Variants in IQSEC1 observed in about 807,000 individuals in gnomAD.
IQSEC1 encodes IQ motif and SEC7 domain-containing protein 1.
Under a neutral mutation model 91.0 loss-of-function variants are expected in IQSEC1, and 31 were observed. The observed-to-expected ratio is 0.34, with a 90% CI of 0.26 to 0.46. The LOEUF (loss-of-function observed/expected upper bound fraction) is 0.46, where lower values mean the gene tolerates loss of function less well. IQSEC1 is among the 20% of genes least tolerant of loss of function. The probability of loss-of-function intolerance (pLI) is 1.00; values close to 1 mark genes in which losing one functional copy is unlikely to be tolerated. For synonymous variants in IQSEC1, 699 were observed against 662.6 expected (o/e 1.05, Z -0.84); for missense variants, 1,388 against 1,575.6 (o/e 0.88, Z 2.02).
At chr3:13,220,763 G>A (rs551881070) in intron 1 of IQSEC1, among the ~76,000 whole-genome samples, 4 of 152,182 alleles carry the variant, frequency 2.6e-5, no homozygotes, top group Non-Finnish European at 2.9e-5. Context: ...GGGCGATGCC[G>A]CCTGGACACT....
intron 1 of IQSEC1, among the ~76,000 whole-genome samples, chr3:13,258,785 A>C (rs1161849823): frequency 6.6e-6 from 1 of 152,214 alleles, no homozygotes; most frequent in Non-Finnish European, 1.5e-5. Flanking sequence ...GCTGGGAAAA[A>C]GCAGCCTCTC....
At chr3:13,063,631 A>G (rs1211458959) in intron 1 of IQSEC1, among the ~76,000 whole-genome samples, 1 of 152,226 alleles carries the variant, frequency 6.6e-6, no homozygotes, top group Non-Finnish European at 1.5e-5. Context: ...CCTCTGCTCC[A>G]TCAGCCAGCT....
In IQSEC1 at chr3:12,903,186, C is replaced by T. The variant is rs1049603580; in HGVS notation, c.2756-364G>A. Among the ~76,000 whole-genome samples the T allele has an allele frequency of 1.2e-4, 19 of 152,324 alleles. 1 individual carries two copies. The highest frequency in any genetic ancestry group is 7.2e-4 in the Admixed American group (11 of 15,308). ...CCAACTTGTGTGTTCACCCCTGACTCGGGTGAATGGGGAGGGGTGAGGGCA... is the reference window on the plus strand; with the variant it reads ...CCAACTTGTGTGTTCACCCCTGACTTGGGTGAATGGGGAGGGGTGAGGGCA... On this transcript the variant is annotated intron_variant, in intron 12 of 13. Transcript: ENST00000613206.
intron 1 of IQSEC1, among the ~76,000 whole-genome samples, chr3:13,181,489 C>T (rs1693844154): frequency 2.0e-5 from 3 of 152,184 alleles, no homozygotes; most frequent in Admixed American, 1.3e-4. Flanking sequence ...CCAGAATATA[C>T]ACCCACCCAC....
At chr3:13,059,404 T>C (rs2125083944) in intron 1 of IQSEC1, among the ~76,000 whole-genome samples, 1 of 152,202 alleles carries the variant, frequency 6.6e-6, no homozygotes, top group Middle Eastern at 3.4e-3. Flanking sequence ...TCAGACCACC[T>C]CCGGCTTTTC....
At chr3:12,907,170 T>G (rs930937319) in intron 12 of IQSEC1, among the ~76,000 whole-genome samples, 1 of 152,200 alleles carries the variant, frequency 6.6e-6, no homozygotes, top group Non-Finnish European at 1.5e-5. Flanking sequence ...TCAACCCTCA[T>G]GCTGGCAACT....
Position 12,983,316 on chromosome 3 carries a change from C to G in IQSEC1, c.24-41451G>C, listed in dbSNP as rs1266300413. Among the ~76,000 whole-genome samples, 1 of 152,200 alleles carries G rather than the reference C, an allele frequency of 6.6e-6. No individual in the cohort carries two copies. The highest frequency in any genetic ancestry group is 2.4e-5 in the African/African-American group (1 of 41,450). Reference sequence around the variant, plus strand: ...ACAGCTCAGGGCACAGCTGGTAGAGCAGTCCTCGGAGGGGATGAAAGGTGG... The same window carrying G: ...ACAGCTCAGGGCACAGCTGGTAGAGGAGTCCTCGGAGGGGATGAAAGGTGG... On this transcript the variant is annotated intron_variant, in intron 1 of 13. Coordinates refer to ENST00000613206, the MANE Select transcript of IQSEC1 (RefSeq NM_001134382.3). The surrounding 1 kb of genome is among the most constrained non-coding windows in gnomAD (Gnocchi z 4.3).
At chr3:13,208,963 A>T (rs555630907) in intron 1 of IQSEC1, among the ~76,000 whole-genome samples, 7 of 152,296 alleles carry the variant, frequency 4.6e-5, no homozygotes, top group Middle Eastern at 6.8e-3. Context: ...CAAGAGTCAC[A>T]CCAAGACCAA....
At position 12,920,344 on chromosome 3, in the gene IQSEC1, C is replaced by G. The variant is rs1696505482; in HGVS notation, c.2020+86G>C. The G allele has an allele frequency of 7.8e-6, 11 of 1,410,428 alleles. No individual in the cohort carries two copies. The East Asian group carries it at 2.5e-4, about 32-fold the overall frequency. The allele number at this position is 1,410,428 out of a possible 1,614,324, so 87.4% of individuals were successfully genotyped here. A position where few individuals can be genotyped will look rare whatever the true frequency, so the allele number is the denominator to read the frequency against. On this transcript the variant is annotated intron_variant, in intron 6 of 13. Coordinates refer to ENST00000613206, the MANE Select transcript of IQSEC1 (RefSeq NM_001134382.3). ...GCACAGCTCCCCAACTGGAGGTTGCCTCACGCCCCTTACATCTGGGGAGGG... is the reference window on the plus strand; with the variant it reads ...GCACAGCTCCCCAACTGGAGGTTGCGTCACGCCCCTTACATCTGGGGAGGG...
At position 12,913,559 on chromosome 3, in the gene IQSEC1, T is replaced by C. The variant is rs1695772297; in HGVS notation, c.2191-6A>G. Reference sequence around the variant, plus strand: ...CGGTGGGGCAGAGAGAGCACCTGTGTGGGAAGAGGCTGTCCTGCCACGGCC... The same window carrying C: ...CGGTGGGGCAGAGAGAGCACCTGTGCGGGAAGAGGCTGTCCTGCCACGGCC... On this transcript the variant is annotated splice_polypyrimidine_tract_variant and splice_region_variant and intron_variant, in intron 8 of 13. Transcript: ENST00000613206. The C allele has an allele frequency of 6.2e-7, 1 of 1,600,900 alleles. No individual in the cohort carries two copies. The highest frequency in any genetic ancestry group is 1.1e-5 in the South Asian group (1 of 90,618).
chr3:13,227,684 G>C (rs1694780274), intron 1 of IQSEC1, among the ~76,000 whole-genome samples: 1 of 152,082 alleles, frequency 6.6e-6, no homozygotes, highest in Admixed American at 6.5e-5. Context: ...GCAGTGCCGG[G>C]GCCAGGTGGG....
At chr3:13,274,605 T>G (rs1695644777) in intron 1 of IQSEC1, among the ~76,000 whole-genome samples, 1 of 151,354 alleles carries the variant, frequency 6.6e-6, no homozygotes, top group Admixed American at 6.6e-5. Flanking sequence ...TGCGACCACA[T>G]GTCCCAAGTG....
At chr3:13,218,469 T>C (rs1236202320) in intron 1 of IQSEC1, among the ~76,000 whole-genome samples, 1 of 152,124 alleles carries the variant, frequency 6.6e-6, no homozygotes, top group African/African-American at 2.4e-5. Context: ...AAGGTGCTGC[T>C]CTCCAAGGCA....
chr3:13,205,025 C>A (rs1009722370), intron 1 of IQSEC1, among the ~76,000 whole-genome samples: 1 of 151,724 alleles, frequency 6.6e-6, no homozygotes, highest in African/African-American at 2.4e-5. Context: ...CTCGAACTCC[C>A]GACCTCAGGT....
chr3:13,110,148 C>T (rs973788603), intron 2 of IQSEC1, among the ~76,000 whole-genome samples: 1 of 151,452 alleles, frequency 6.6e-6, no homozygotes, highest in African/African-American at 2.4e-5. Flanking sequence ...CCCCAAAGTG[C>T]TGGGATTACA....
At chr3:13,251,349 G>T (rs970901081) in intron 1 of IQSEC1, among the ~76,000 whole-genome samples, 19 of 152,158 alleles carry the variant, frequency 1.2e-4, no homozygotes, top group African/African-American at 4.6e-4. Context: ...TCACTGAAAT[G>T]AGAACCCTGA....
intron 1 of IQSEC1, among the ~76,000 whole-genome samples, chr3:13,254,617 G>C (rs994521918): frequency 3.3e-5 from 5 of 152,228 alleles, no homozygotes; most frequent in African/African-American, 1.2e-4. Context: ...TTTGGCATTT[G>C]AGTAAAGCCC....
chr3:12,991,879 A>AGGTAG (rs145077535), intron 1 of IQSEC1, among the ~76,000 whole-genome samples: 3 of 151,942 alleles, frequency 2.0e-5, no homozygotes, highest in African/African-American at 7.3e-5. Context: ...GGCATGGGAC[A>AGGTAG]GGCAGGGCAG....
chr3:13,093,425 G>A (rs1460990932), intron 2 of IQSEC1, among the ~76,000 whole-genome samples: 5 of 152,100 alleles, frequency 3.3e-5, no homozygotes, highest in African/African-American at 1.2e-4. Context: ...GGGCCCCAGG[G>A]GAGACCATTA....
Sources: gnomAD v4.1 joint callset for allele counts (sites outside exome capture counted in the v4.1 genomes callset) on GRCh38, gnomAD v4.1.1 for gene constraint, Gnocchi (gnomAD v3.1) non-coding constraint, MANE v1.5 for transcripts, NCBI Gene and HGNC (gene_info 2026-07-23, HGNC 2026-07-21) for gene names.